The following DNAH7 variants were observed in gnomAD, a reference collection of about 807,000 sequenced individuals.
The protein encoded by DNAH7 is axonemal beta dynein heavy chain 7.
A neutral mutation model predicts 444.6 loss-of-function variants in DNAH7; 397 were observed. That is an observed-to-expected ratio of 0.89 (90% CI 0.82 to 0.97). The LOEUF is 0.97. Among genes scored for constraint, DNAH7 ranks in the 50% least tolerant of loss-of-function variants. The probability of loss-of-function intolerance (pLI) is 0.00; values close to 1 mark genes in which losing one functional copy is unlikely to be tolerated. For synonymous variants in DNAH7, 1,636 were observed against 1,624.4 expected (o/e 1.01, Z -0.17); for missense variants, 4,902 against 4,800.8 (o/e 1.02, Z -0.62).
At chr2:195,976,560 T>C (rs988967392) in intron 15 of DNAH7, among the ~76,000 whole-genome samples, 2 of 152,136 alleles carry the variant, frequency 1.3e-5, no homozygotes, top group Non-Finnish European at 1.5e-5. Context: ...TGTAGAGCCC[T>C]AGGGCCTTGA....
intron 8 of DNAH7, among the ~76,000 whole-genome samples, chr2:196,021,132 G>A (rs1341298937): frequency 6.6e-6 from 1 of 151,916 alleles, no homozygotes; most frequent in East Asian, 1.9e-4. Flanking sequence ...TGTTCCCAAT[G>A]TTCCCAAAAT....
chr2:195,906,515 A>G, intron 27 of DNAH7, 144 bp downstream of exon 27: 1 of 529,272 alleles, frequency 1.9e-6, no homozygotes, highest in Non-Finnish European at 3.1e-6. Flanking sequence ...GGTCTCAAAC[A>G]CCTGAGTTCA....
intron 48 of DNAH7, among the ~76,000 whole-genome samples, chr2:195,830,216 C>T (rs1469885650): frequency 6.6e-6 from 1 of 152,074 alleles, no homozygotes; most frequent in African/African-American, 2.4e-5. Flanking sequence ...ACAGTATTTG[C>T]AAAGCTTATG....
chr2:195,888,729 G>C, intron 32 of DNAH7, 70 bp downstream of exon 32: 1 of 1,460,498 alleles, frequency 6.8e-7, no homozygotes, highest in Non-Finnish European at 9.2e-7. Context: ...TAAAGTCAAA[G>C]GTACTAAGCA....
intron 12 of DNAH7, chr2:195,998,894 C>CAA: frequency 2.1e-5 from 9 of 428,662 alleles, no homozygotes; most frequent in South Asian, 5.0e-5. Context: ...GAAATAACAA[C>CAA]AAAAAAAAAA....
intron 58 of DNAH7, among the ~76,000 whole-genome samples, chr2:195,785,105 G>T (rs1455027242): frequency 6.6e-6 from 1 of 151,978 alleles, no homozygotes; most frequent in African/African-American, 2.4e-5. Flanking sequence ...TAGAGACGGG[G>T]TTTCACCGTG....
At chr2:195,883,449 G>GCCCCCCCC (rs1203503298) in intron 35 of DNAH7, among the ~76,000 whole-genome samples, 6 of 135,864 alleles carry the variant, frequency 4.4e-5, no homozygotes, top group African/African-American at 1.7e-4. Context: ...CTCAGTCCCC[G>GCCCCCCCC]CTCCCCCCCC....
chr2:195,816,284 T>C (rs1349501122), intron 51 of DNAH7, among the ~76,000 whole-genome samples: 2 of 152,230 alleles, frequency 1.3e-5, no homozygotes, highest in African/African-American at 4.8e-5. Flanking sequence ...ACTTTTAGAA[T>C]GCCAGTTCGT....
At chr2:195,984,759 T>C (rs781420715) in intron 14 of DNAH7, 49 bp from the exon 15 acceptor site, 16 of 1,494,584 alleles carry the variant, frequency 1.1e-5, no homozygotes, top group Non-Finnish European at 1.4e-5. Context: ...TTCAATTTAA[T>C]TCCAAAATAT....
chr2:196,054,684 T>C (rs1259117550), intron 2 of DNAH7, among the ~76,000 whole-genome samples: 1 of 152,196 alleles, frequency 6.6e-6, no homozygotes, highest in Non-Finnish European at 1.5e-5. Flanking sequence ...TGAATTATAG[T>C]TCCCATAATC....
rs1013831894 is a variant in DNAH7 at position 195,895,095 on chromosome 2, G to C, written c.4777C>G (p.Leu1593Val). The C allele has an allele frequency of 6.2e-7, 1 of 1,613,556 alleles. No individual in the cohort carries two copies. Among genetic ancestry groups the C allele is most frequent in the Non-Finnish European group, 8.5e-7 (1 of 1,179,726 alleles). ...QMTAFFSEKILQVYEMMIVRH... is the reference protein window; with the variant it reads ...QMTAFFSEKIVQVYEMMIVRH... ...ACAATCATCATTTCATATACTTGAA[G>C]AATCTTCTCGGAAAAGAATGCAGTC... Residue 1593 changes from leucine to valine, a missense_variant, in exon 30 of 65, where the codon CTT becomes GTT. Leu to Val is a conservative substitution (Grantham distance 32). Transcript: ENST00000312428.
intron 5 of DNAH7, among the ~76,000 whole-genome samples, chr2:196,039,490 A>C (rs1408652913): frequency 6.6e-6 from 1 of 152,132 alleles, no homozygotes; most frequent in Non-Finnish European, 1.5e-5. Flanking sequence ...AATAAAGACC[A>C]GAGTAGAACT....
Position 195,907,144 on chromosome 2 carries a change from G to C in DNAH7, c.4105-135C>G. The C allele has an allele frequency of 3.2e-6, 2 of 626,368 alleles. 1 individual carries two copies. The highest frequency in any genetic ancestry group is 5.2e-5 in the South Asian group (2 of 38,692). The allele number at this position is 626,368 out of a possible 1,614,324, so 38.8% of individuals were successfully genotyped here. ...TTGCTTATTCGCCTTTATCTTTAAA[G>C]GCAGCTGATTTTTTCATTATCAATT... On this transcript the variant is annotated intron_variant, in intron 25 of 64. Coordinates refer to ENST00000312428, the MANE Select transcript of DNAH7 (RefSeq NM_018897.3).
At chr2:196,037,178 A>G (rs1386147798) in intron 5 of DNAH7, among the ~76,000 whole-genome samples, 2 of 152,180 alleles carry the variant, frequency 1.3e-5, no homozygotes, top group Non-Finnish European at 2.9e-5. Context: ...ACATTACACT[A>G]TGGTGTCCAC....
chr2:196,052,343 A>G (rs1697528033), intron 2 of DNAH7, among the ~76,000 whole-genome samples: 1 of 152,186 alleles, frequency 6.6e-6, no homozygotes. Flanking sequence ...GCTGTCCAAA[A>G]CAGTATGCAC....
In DNAH7 at chr2:196,003,004, G is replaced by T. The variant is rs1286086716; in HGVS notation, c.990-1146C>A. On this transcript the variant is annotated intron_variant, in intron 10 of 64. Transcript: ENST00000312428. ...GCCTGGGTGACGAGAGTGAAACTCC[G>T]TCTCAAAAAGAAAAAAAAAAAAGAT... Among the ~76,000 whole-genome samples the T allele has an allele frequency of 2.7e-5, 4 of 147,780 alleles. 1 individual carries two copies. The highest frequency in any genetic ancestry group is 1.0e-4 in the African/African-American group (4 of 40,032).
In DNAH7 at chr2:195,855,748, C is replaced by T. The variant is rs573289253; in HGVS notation, c.8595+63G>A. ...AGGACTGGTGTGTTATGTGCTAGTA[C>T]GAACATCATTCTTAGTTACGATAAC... On this transcript the variant is annotated intron_variant, in intron 45 of 64. Transcript: ENST00000312428. 172 of 1,567,868 alleles carry T rather than the reference C, an allele frequency of 1.1e-4. 1 individual carries two copies. The African/African-American group carries it at 1.9e-3, about 18-fold the overall frequency.
chr2:195,740,734 TC>T, intron 64 of DNAH7, 31 bp downstream of exon 64: 1 of 1,069,408 alleles, frequency 9.4e-7, no homozygotes, highest in East Asian at 3.1e-5. Context: ...ATAAAATAAT[TC>T]CACATGTATA....
At chr2:195,911,126 G>T (rs1355469845) in intron 24 of DNAH7, among the ~76,000 whole-genome samples, 1 of 152,166 alleles carries the variant, frequency 6.6e-6, no homozygotes, top group Non-Finnish European at 1.5e-5. Context: ...TTAGGAGTCA[G>T]CCTTGCTGTG....
Sources: allele counts gnomAD v4.1 joint callset (sites outside exome capture counted in the v4.1 genomes callset), GRCh38; gene constraint gnomAD v4.1.1; transcripts MANE v1.5; gene names NCBI Gene and HGNC (gene_info 2026-07-23, HGNC 2026-07-21).